Variants in SHC2 observed in about 807,000 individuals in gnomAD.
SHC2 encodes the protein SHC adaptor protein 2, also known as SHC-transforming protein 2.
In SHC2, 62 loss-of-function variants were observed where a neutral mutation model predicts 60.6. That is an observed-to-expected ratio of 1.02 (90% CI 0.83 to 1.26). The LOEUF (loss-of-function observed/expected upper bound fraction) is 1.26. SHC2 is among the 50% of genes most tolerant of loss of function. The pLI is 0.00. For missense variants in SHC2, 873 were observed against 822.2 expected (o/e 1.06, Z -0.76); for synonymous variants, 375 against 372.4 (o/e 1.01, Z -0.08).
chr19:429,451 C>A lies in SHC2; in HGVS notation c.1174+1233G>T, dbSNP rs545322203. Among the ~76,000 whole-genome samples, 191 of 149,664 alleles carry A rather than the reference C, an allele frequency of 1.3e-3. 3 individuals are homozygous for A. The highest frequency in any genetic ancestry group is 9.0e-4 in the Non-Finnish European group (61 of 67,544). On this transcript the variant is annotated intron_variant, in intron 9 of 12. Coordinates refer to ENST00000264554, the MANE Select transcript of SHC2 (RefSeq NM_012435.3). The stretch of plus-strand genomic sequence containing the variant: ...TGGATGACACAGTATCTACACCCAA[C>A]GTGCACAGAAACCTAATACCGTGTG...
At chr19:430,958 C>T (rs543770662) in intron 8 of SHC2, among the ~76,000 whole-genome samples, 2 of 152,354 alleles carry the variant, frequency 1.3e-5, no homozygotes, top group Non-Finnish European at 2.9e-5. Flanking sequence ...CTTCTCTCCA[C>T]CTCGGAAGGT....
intron 8 of SHC2, among the ~76,000 whole-genome samples, chr19:434,359 CATGAGATCGTGAGTGAGATG>C (rs1974656719): frequency 2.6e-4 from 1 of 3,868 alleles, no homozygotes; most frequent in African/African-American, 1.2e-3. Flanking sequence ...TGAGTGAGAT[CATGAGATCGTGAGTGAGATG>C]ATGAGTCTGA....
intron 6 of SHC2, 39 bp downstream of exon 6, chr19:436,341 C>T (rs745858939): frequency 6.3e-7 from 1 of 1,595,666 alleles, no homozygotes; most frequent in Non-Finnish European, 8.6e-7. Flanking sequence ...CCGTGCCCCC[C>T]AGCCACAGGA....
chr19:417,708 T>A (rs1974184878), intron 12 of SHC2, among the ~76,000 whole-genome samples: 2 of 152,122 alleles, frequency 1.3e-5, no homozygotes, highest in South Asian at 4.1e-4. Flanking sequence ...CAGGGACCGG[T>A]GCGAACGGAA....
intron 1 of SHC2, among the ~76,000 whole-genome samples, chr19:442,927 GTGGA>G (rs1275260597): frequency 1.5e-5 from 2 of 134,184 alleles, no homozygotes; most frequent in Non-Finnish European, 3.2e-5. Flanking sequence ...GGGTGGATGG[GTGGA>G]TGGATGGGTG....
At chr19:447,570 G>A (rs34148407) in intron 1 of SHC2, among the ~76,000 whole-genome samples, 2,446 of 152,314 alleles carry the variant, frequency 0.016, 34 homozygotes, top group Middle Eastern at 0.024. Context: ...CCTGAGGTCA[G>A]GAGCTCAGGA....
rs74364736 is a variant in SHC2 at position 420,636 on chromosome 19, G to C, written c.1620+1510C>G. On this transcript the variant is annotated intron_variant, in intron 11 of 12. Coordinates refer to ENST00000264554, the MANE Select transcript of SHC2 (RefSeq NM_012435.3). ...CATGATTTTAGGTACCAGGAGGAGA[G>C]AGAAGAGAAAAACCTCCCTGTAAAA... Among the ~76,000 whole-genome samples the C allele has an allele frequency of 1.7e-3, 257 of 152,336 alleles. 1 individual carries two copies. The highest frequency in any genetic ancestry group is 5.7e-3 in the African/African-American group (235 of 41,570).
At chr19:428,220 TCAAAAA>T (rs941763761) in intron 9 of SHC2, among the ~76,000 whole-genome samples, 1 of 152,146 alleles carries the variant, frequency 6.6e-6, no homozygotes, top group African/African-American at 2.4e-5. Flanking sequence ...GCAAGACGTC[TCAAAAA>T]CAAAAAGCCA....
At chr19:460,472 G>A in intron 1 of SHC2, 57 bp downstream of exon 1, 1 of 976,164 alleles carries the variant, frequency 1.0e-6, no homozygotes, top group Non-Finnish European at 1.3e-6. Context: ...CGGAGGAGAG[G>A]GTGGGGGAGG....
chr19:436,149 A>T lies in SHC2; in HGVS notation c.953+16T>A, dbSNP rs755213567. ...TGGGGGTGTCCCCAGGGCACGGGGG[A>T]GGCAGCTCTGGTTACCTTTCTGGGG... On this transcript the variant is annotated intron_variant, in intron 7 of 12. Transcript: ENST00000264554. 6.2e-7 allele frequency: 1 copy of T among 1,610,210 alleles called. No homozygotes were observed. The highest frequency in any genetic ancestry group is 1.1e-5 in the South Asian group (1 of 90,502).
Position 438,303 on chromosome 19 carries a change from G to A in SHC2, c.720+415C>T, listed in dbSNP as rs1256151685. Among the ~76,000 whole-genome samples, 2 of 152,242 alleles carry A rather than the reference G, an allele frequency of 1.3e-5. No individual in the cohort carries two copies. Among genetic ancestry groups the A allele is most frequent in the Admixed American group, 6.5e-5 (1 of 15,288 alleles). On this transcript the variant is annotated intron_variant, in intron 4 of 12. Coordinates refer to ENST00000264554, the MANE Select transcript of SHC2 (RefSeq NM_012435.3). The surrounding 1 kb of genome is among the most constrained non-coding windows in gnomAD (Gnocchi z 5.0). ...CTCACAGTGCTGGGGTTACAGGCGTGAGCAACCAAGCCCGAGCCTGGTCTG... is the reference window on the plus strand; with the variant it reads ...CTCACAGTGCTGGGGTTACAGGCGTAAGCAACCAAGCCCGAGCCTGGTCTG...
At position 436,238 on chromosome 19, in the gene SHC2, C is replaced by T. The variant is rs371265817; in HGVS notation, c.880G>A (p.Val294Met). The change falls in exon 7 of 13, where the codon GTG (valine) becomes ATG (methionine). Residue 294 changes from valine to methionine, a missense_variant. Val to Met is a conservative substitution (Grantham distance 21). Coordinates refer to ENST00000264554, the MANE Select transcript of SHC2 (RefSeq NM_012435.3). ...AAGCGCAGCTCGAAAGCTTGGCCCA[C>T]GGTGCTGATGATGCTCTGTGCCAGG... ...EGLAQSIISTVGQAFELRFKQ... is the reference protein window; with the variant it reads ...EGLAQSIISTMGQAFELRFKQ... 238 of 1,599,146 alleles carry T rather than the reference C, an allele frequency of 1.5e-4. No homozygotes were observed. The highest frequency in any genetic ancestry group is 2.3e-4 in the African/African-American group (17 of 74,696).
rs1467931852 is a variant in SHC2, at chr19:418,934, C to A, written c.1743G>T (p.Glu581Asp). The change falls in exon 12 of 13, where the codon GAG (glutamate) becomes GAT (aspartate). Residue 581 changes from glutamate to aspartate, a missense_variant. Coordinates refer to ENST00000264554, the MANE Select transcript of SHC2 (RefSeq NM_012435.3). ...CGGCAGCCACACACCTGGCTCAGGG[C>A]TCCCGTGAGACCACGCCACGCAGGT... The part of the protein sequence containing the change: ...ELHLRGVVSR[E>D]P 1 of 1,587,856 alleles carries A rather than the reference C, an allele frequency of 6.3e-7. No homozygotes were observed. Among genetic ancestry groups the A allele is most frequent in the South Asian group, 1.1e-5 (1 of 87,326 alleles).
Position 460,954 on chromosome 19 carries a change from C to T in SHC2, c.43G>A (p.Ala15Thr). ...GTGGGCGCCTCGGGCTCGGGGGGCG[C>T]GGGGGGCGCCGGGGGCGCGCGCCCG... ...PGGRAPPAPP[A>T]PPEPEAPTTF... is the part of the protein sequence containing the mutation. Residue 15 changes from alanine (A) to threonine (T), a missense_variant, in exon 1 of 13, where the codon GCG (alanine) becomes ACG (threonine). Coordinates refer to ENST00000264554, the MANE Select transcript of SHC2 (RefSeq NM_012435.3). 1 of 983,658 alleles carries T rather than the reference C, an allele frequency of 1.0e-6. No homozygotes were observed. 60.9% of individuals were successfully genotyped at this position (983,658 alleles called of 1,614,324 possible). A position where few individuals can be genotyped will look rare whatever the true frequency, so the allele number is the denominator to read the frequency against.
Position 422,668 on chromosome 19 carries a change from G to A in SHC2, c.1310-212C>T, listed in dbSNP as rs903904035. On this transcript the variant is annotated intron_variant, in intron 10 of 12. Transcript: ENST00000264554. The surrounding 1 kb of genome is among the most constrained non-coding windows in gnomAD (Gnocchi z 5.0). ...TGTAGCAACCTGGACTCCCCAGGTT[G>A]GGTTTTCTAGGCACGTACTAAGCAT... 1.9e-6 allele frequency: 1 copy of A among 525,028 alleles called. No homozygotes were observed. The highest frequency in any genetic ancestry group is 1.9e-5 in the African/African-American group (1 of 52,170). 32.5% of individuals were successfully genotyped at this position (525,028 alleles called of 1,614,324 possible). A position where few individuals can be genotyped will look rare whatever the true frequency, so the allele number is the denominator to read the frequency against.
intron 12 of SHC2, among the ~76,000 whole-genome samples, chr19:418,120 T>TC (rs953034018): frequency 4.6e-5 from 7 of 151,588 alleles, no homozygotes; most frequent in Admixed American, 3.3e-4. Context: ...CTACCATGGG[T>TC]CCCCCCGGGC....
chr19:454,226 C>T (rs528071993), intron 1 of SHC2, among the ~76,000 whole-genome samples: 4 of 152,350 alleles, frequency 2.6e-5, no homozygotes, highest in South Asian at 2.1e-4. Context: ...ATGTGACTCA[C>T]GGCAGCCACA....
rs763995832 is a variant in SHC2 at position 434,768 on chromosome 19, C to T, written c.1051G>A (p.Gly351Arg). The change falls in exon 8 of 13, where the codon GGG becomes AGG. Residue 351 changes from glycine to arginine, a missense_variant. By Grantham distance (125) the Gly-to-Arg change is moderately radical. Coordinates refer to ENST00000264554, the MANE Select transcript of SHC2 (RefSeq NM_012435.3). Reference protein sequence around the residue: ...SIPGKEPPLGGLVDSRLALTQ... With the variant: ...SIPGKEPPLGRLVDSRLALTQ... The stretch of plus-strand genomic sequence containing the variant: ...AGGGCCAGCCTGGAGTCCACTAGCC[C>T]GCCCAGCGGCGGCTCCTTCCCCGGG... The T allele has an allele frequency of 3.7e-5, 59 of 1,612,742 alleles. No homozygotes were observed. Among genetic ancestry groups the T allele is most frequent in the Non-Finnish European group, 4.7e-5 (56 of 1,179,790 alleles).
chr19:436,371 G>A lies in SHC2; in HGVS notation c.826+9C>T. On this transcript the variant is annotated intron_variant, in intron 6 of 12. Coordinates refer to ENST00000264554, the MANE Select transcript of SHC2 (RefSeq NM_012435.3). ...ACAGGACCCCCACCGGCCTCCCCGG[G>A]GGCCTCACCTCTCTGGTTGATGGGG... 7 of 1,595,084 alleles carry A rather than the reference G, an allele frequency of 4.4e-6. No individual in the cohort carries two copies. The highest frequency in any genetic ancestry group is 6.0e-6 in the Non-Finnish European group (7 of 1,167,424).
Sources: gnomAD v4.1 joint callset for allele counts (sites outside exome capture counted in the v4.1 genomes callset) on GRCh38, gnomAD v4.1.1 for gene constraint, Gnocchi (gnomAD v3.1) non-coding constraint, MANE v1.5 for transcripts, NCBI Gene and HGNC (gene_info 2026-07-23, HGNC 2026-07-21) for gene names.